The following GREB1 variants were observed in gnomAD, a reference collection of about 807,000 sequenced individuals.
The protein encoded by GREB1 is protein GREB1.
In GREB1, 106 loss-of-function variants were observed where a neutral mutation model predicts 200.7. The ratio of observed to expected loss-of-function variants is 0.53; its 90% CI spans 0.45 to 0.62. GREB1 has a LOEUF of 0.62. Among genes scored for constraint, GREB1 ranks in the 20% least tolerant of loss-of-function variants. GREB1 has a pLI of 0.00. For synonymous variants in GREB1, 1,132 were observed against 1,092.4 expected, an observed-to-expected ratio of 1.04 and a Z score of -0.72; for missense variants, 2,243 against 2,556.8, an observed-to-expected ratio of 0.88 and a Z score of 2.65.
intron 7 of GREB1, among the ~76,000 whole-genome samples, chr2:11,584,213 T>C (rs1679823271): frequency 6.6e-6 from 1 of 152,190 alleles, no homozygotes; most frequent in South Asian, 2.1e-4. Flanking sequence ...AATCTCTGCA[T>C]GTAGGGGAAA....
chr2:11,627,911 A>G (rs904838122), intron 25 of GREB1, among the ~76,000 whole-genome samples: 4 of 152,234 alleles, frequency 2.6e-5, no homozygotes, highest in African/African-American at 9.6e-5. Flanking sequence ...GAATTTGCCA[A>G]GGTGCCAAGA....
rs1679334371 is a variant in GREB1 at position 11,580,282 on chromosome 2, T to C, written c.773-422T>C. On this transcript the variant is annotated intron_variant, in intron 6 of 32. Coordinates refer to ENST00000381486, the MANE Select transcript of GREB1 (RefSeq NM_014668.4). The surrounding 1 kb of genome is among the most constrained non-coding windows in gnomAD (Gnocchi z 4.5). Reference sequence around the variant, plus strand: ...CAACCAGAGGTCTTGAGAGAGAAGGTAGAAGGAAGCAGAACAGTTTCAGGT... The same window carrying C: ...CAACCAGAGGTCTTGAGAGAGAAGGCAGAAGGAAGCAGAACAGTTTCAGGT... Among the ~76,000 whole-genome samples the C allele has an allele frequency of 1.3e-5, 2 of 151,998 alleles. No homozygotes were observed. Among genetic ancestry groups the C allele is most frequent in the Admixed American group, 6.6e-5 (1 of 15,264 alleles).
At chr2:11,483,329 C>CGG (rs1553338793) in intron 1 of GREB1, among the ~76,000 whole-genome samples, 1 of 124,882 alleles carries the variant, frequency 8.0e-6, no homozygotes, top group South Asian at 2.4e-4. Context: ...TGTGCGCGCG[C>CGG]GTGTGTGTGT....
At chr2:11,501,796 T>G in intron 1 of GREB1, among the ~76,000 whole-genome samples, 1 of 151,752 alleles carries the variant, frequency 6.6e-6, no homozygotes, top group Non-Finnish European at 1.5e-5. Context: ...GCAAAGTCCT[T>G]GCTATGTTTT....
At chr2:11,507,075 T>C (rs1406536450) in intron 1 of GREB1, among the ~76,000 whole-genome samples, 1 of 152,242 alleles carries the variant, frequency 6.6e-6, no homozygotes, top group Non-Finnish European at 1.5e-5. Flanking sequence ...GTTTTCTTGG[T>C]AGATGATATC....
chr2:11,492,140 T>G lies in GREB1; in HGVS notation c.-159+9759T>G, dbSNP rs1672786648. Among the ~76,000 whole-genome samples, 1 of 152,122 alleles carries G rather than the reference T, an allele frequency of 6.6e-6. No homozygotes were observed. The highest frequency in any genetic ancestry group is 2.4e-5 in the African/African-American group (1 of 41,398). On this transcript the variant is annotated intron_variant, in intron 1 of 2. Transcript: ENST00000628795. This position sits in a 1 kb window ranked among gnomAD's most constrained non-coding sequence, Gnocchi z 4.0. The stretch of plus-strand genomic sequence containing the variant: ...GCCTGGCTACCATGCATCGTTTCCA[T>G]GGTCATTTAACGTGGCACTTTACTC...
At chr2:11,498,249 A>G (rs1250597976) in intron 1 of GREB1, among the ~76,000 whole-genome samples, 1 of 151,284 alleles carries the variant, frequency 6.6e-6, no homozygotes, top group Non-Finnish European at 1.5e-5. Context: ...GTGTAGGTCT[A>G]TGATCCTTTA....
Position 11,597,654 on chromosome 2 carries a change from C to T in GREB1, c.1955-127C>T. 1 of 793,048 alleles carries T rather than the reference C, an allele frequency of 1.3e-6. No homozygotes were observed. The highest frequency in any genetic ancestry group is 2.2e-6 in the Non-Finnish European group (1 of 463,444). The allele number at this position is 793,048 out of a possible 1,614,324, so 49.1% of individuals were successfully genotyped here. On this transcript the variant is annotated intron_variant, in intron 13 of 32. Coordinates refer to ENST00000381486, the MANE Select transcript of GREB1 (RefSeq NM_014668.4). This position sits in a 1 kb window ranked among gnomAD's most constrained non-coding sequence, Gnocchi z 4.1. Reference sequence around the variant, plus strand: ...GGACTTGATAAACGTGAGTTATTCCCCTTTCCCTCATCGCTTTGTGAATGG... The same window carrying T: ...GGACTTGATAAACGTGAGTTATTCCTCTTTCCCTCATCGCTTTGTGAATGG...
chr2:11,590,268 CG>C (rs1321295687), intron 10 of GREB1, among the ~76,000 whole-genome samples: 3 of 152,064 alleles, frequency 2.0e-5, no homozygotes, highest in Non-Finnish European at 4.4e-5. Flanking sequence ...GCCGCCTCAC[CG>C]GGGCACCATT....
intron 1 of GREB1, among the ~76,000 whole-genome samples, chr2:11,539,012 TC>T (rs1558512643): frequency 7.3e-5 from 7 of 95,360 alleles, no homozygotes; most frequent in African/African-American, 1.7e-4. Flanking sequence ...TTCTCCCTTC[TC>T]CTCCCTTCTC....
At chr2:11,607,163 A>G (rs1331575885) in intron 17 of GREB1, among the ~76,000 whole-genome samples, 1 of 151,892 alleles carries the variant, frequency 6.6e-6, no homozygotes, top group Non-Finnish European at 1.5e-5. Flanking sequence ...AGTTCGTTGT[A>G]ACCTCAAACT....
At chr2:11,525,833 C>T (rs922509928) in intron 1 of GREB1, among the ~76,000 whole-genome samples, 1 of 152,200 alleles carries the variant, frequency 6.6e-6, no homozygotes, top group African/African-American at 2.4e-5. Context: ...CTGCTGTGAA[C>T]TCACCTCCTG....
chr2:11,609,902 C>T (rs1202862340), intron 17 of GREB1, among the ~76,000 whole-genome samples: 1 of 152,190 alleles, frequency 6.6e-6, no homozygotes, highest in African/African-American at 2.4e-5. Flanking sequence ...AGGACCCATT[C>T]CAGCTCAATC....
At chr2:11,562,035 T>G (rs965372626) in intron 2 of GREB1, among the ~76,000 whole-genome samples, 1 of 152,202 alleles carries the variant, frequency 6.6e-6, no homozygotes, top group Non-Finnish European at 1.5e-5. Flanking sequence ...CACAAATATC[T>G]TTGGAACGCT....
chr2:11,604,823 A>G (rs972317065), intron 17 of GREB1, among the ~76,000 whole-genome samples: 1 of 152,188 alleles, frequency 6.6e-6, no homozygotes, highest in Non-Finnish European at 1.5e-5. Context: ...TAAAGGTTAG[A>G]ACATGGGGTT....
At chr2:11,593,193 G>A in intron 11 of GREB1, 67 bp downstream of exon 11, 5 of 1,131,474 alleles carry the variant, frequency 4.4e-6, no homozygotes, top group Non-Finnish European at 6.2e-6. Context: ...CTCCTTTGGT[G>A]GTTCTCTCCC....
intron 10 of GREB1, chr2:11,591,480 TC>T: frequency 1.4e-6 from 1 of 715,642 alleles, no homozygotes; most frequent in South Asian, 1.5e-5. Context: ...TGAAAAGTAT[TC>T]AGTCTCACTC....
chr2:11,607,471 T>C (rs371129214), intron 17 of GREB1, among the ~76,000 whole-genome samples: 9,774 of 145,310 alleles, frequency 0.067, 474 homozygotes, highest in Non-Finnish European at 0.1. Flanking sequence ...TATATATATA[T>C]ACACACACAT....
In GREB1 at chr2:11,562,553, C is replaced by T. The variant is rs1467531052; in HGVS notation, c.248C>T (p.Pro83Leu). Residue 83 changes from proline (P) to leucine (L), a missense_variant, in exon 3 of 33, where the codon CCT (proline) becomes CTT (leucine). By Grantham distance (98) the Pro-to-Leu change is moderately conservative. Transcript: ENST00000381486. ...CCCCCAAACCCTTTCCAGCTGCACC[C>T]TCTGCCTGAAGGATGCTGTACCACA... is the stretch of plus-strand genomic sequence containing the variant. ...NGPPNPFQLHPLPEGCCTTDG... is the reference protein window; with the variant it reads ...NGPPNPFQLHLLPEGCCTTDG... 11 of 1,600,222 alleles carry T rather than the reference C, an allele frequency of 6.9e-6. No homozygotes were observed. Among genetic ancestry groups the T allele is most frequent in the Non-Finnish European group, 9.4e-6 (11 of 1,174,178 alleles).
Sources: gnomAD v4.1 joint callset for allele counts (sites outside exome capture counted in the v4.1 genomes callset) on GRCh38, gnomAD v4.1.1 for gene constraint, Gnocchi (gnomAD v3.1) non-coding constraint, MANE v1.5 for transcripts, NCBI Gene and HGNC (gene_info 2026-07-23, HGNC 2026-07-21) for gene names.